TNKS2: variants seen among roughly 807,000 people sequenced by gnomAD.
TNKS2 encodes the protein poly [ADP-ribose] polymerase tankyrase-2.
In TNKS2, 72 loss-of-function variants were observed where a neutral mutation model predicts 137.6. The ratio of observed to expected loss-of-function variants is 0.52; its 90% confidence interval spans 0.43 to 0.64. The LOEUF (loss-of-function observed/expected upper bound fraction) is 0.64, where lower values mean the gene tolerates loss of function less well. Among genes scored for constraint, TNKS2 ranks in the 30% least tolerant of loss-of-function variants. The probability of loss-of-function intolerance (pLI) is 0.00; values close to 1 mark genes in which losing one functional copy is unlikely to be tolerated. For synonymous variants in TNKS2, 516 were observed against 512.1 expected (o/e 1.01, Z -0.10); for missense variants, 1,049 against 1,410.2 (o/e 0.74, Z 4.10).
At chr10:91,844,831 CTT>C (rs986531058) in intron 16 of TNKS2, 86 bp from the exon 17 acceptor site, 30 of 782,982 alleles carry the variant, frequency 3.8e-5, no homozygotes. Context: ...CATGTAATGA[CTT>C]TTTTATGTTA....
At chr10:91,800,891 T>C (rs1844143096) in intron 1 of TNKS2, among the ~76,000 whole-genome samples, 2 of 152,170 alleles carry the variant, frequency 1.3e-5, no homozygotes, top group South Asian at 4.1e-4. Context: ...TTATAATCTG[T>C]TGTAGGTAGT....
intron 7 of TNKS2, among the ~76,000 whole-genome samples, chr10:91,822,908 A>T (rs892625085): frequency 6.6e-6 from 1 of 151,592 alleles, no homozygotes; most frequent in Admixed American, 6.6e-5. Flanking sequence ...CTTGCTACAC[A>T]TCATCTTGTG....
At chr10:91,853,930 A>G (rs1431648030) in intron 21 of TNKS2, among the ~76,000 whole-genome samples, 1 of 152,228 alleles carries the variant, frequency 6.6e-6, no homozygotes, top group South Asian at 2.1e-4. Context: ...TGTTGTAGAG[A>G]TTAAAGGAGA....
chr10:91,819,465 CT>C lies in TNKS2; in HGVS notation c.558-10del, dbSNP rs776873814. The stretch of plus-strand genomic sequence containing the variant: ...TGATGAAGAATGCAAATTACTAATA[CT>C]TTTTTTGTATTCTAGGAGTGGCAAT... On this transcript the variant is annotated splice_polypyrimidine_tract_variant and intron_variant, in intron 4 of 26. Transcript: ENST00000371627. 23 of 1,556,242 alleles carry C rather than the reference CT, an allele frequency of 1.5e-5. No individual in the cohort carries two copies. The highest frequency in any genetic ancestry group is 9.9e-5 in the South Asian group (8 of 80,512).
rs372001710 is a variant in TNKS2, at chr10:91,859,482, A to G, written c.3115A>G (p.Ile1039Val). The change falls in exon 25 of 27, where the codon ATT becomes GTT. Residue 1039 changes from isoleucine to valine, a missense_variant. By Grantham distance (29) the Ile-to-Val change is conservative. Around this residue, in one of 6 missense-constraint regions of TNKS2, gnomAD observed 133 missense variants for 248.4 expected, o/e 0.54. Transcript: ENST00000371627. ...LFHGSPFVNA[I>V]IHKGFDERHA... The stretch of plus-strand genomic sequence containing the variant: ...TTCAGGGTCTCCTTTTGTGAATGCA[A>G]TTATCCACAAAGGCTTTGATGAAAG... The G allele has an allele frequency of 3.8e-5, 61 of 1,606,986 alleles. No homozygotes were observed. The highest frequency in any genetic ancestry group is 4.8e-5 in the Non-Finnish European group (56 of 1,177,278).
At chr10:91,859,257 C>G (rs578101090) in intron 24 of TNKS2, among the ~76,000 whole-genome samples, 1 of 152,230 alleles carries the variant, frequency 6.6e-6, no homozygotes, top group Non-Finnish European at 1.5e-5. Context: ...GCACATAAAC[C>G]AGCACTCTGT....
intron 18 of TNKS2, among the ~76,000 whole-genome samples, chr10:91,847,286 A>T (rs1406405104): frequency 6.6e-6 from 1 of 152,210 alleles, no homozygotes; most frequent in Non-Finnish European, 1.5e-5. Context: ...AGAAGAGTAC[A>T]TATTACAAAT....
At position 91,798,728 on chromosome 10, in the gene TNKS2, G is replaced by C. The variant is rs1844052413; in HGVS notation, c.38G>C (p.Cys13Ser). 8.0e-6 allele frequency: 10 copies of C among 1,242,896 alleles called. No individual in the cohort carries two copies. The highest frequency in any genetic ancestry group is 1.0e-5 in the Non-Finnish European group (10 of 989,410). 77.0% of individuals were successfully genotyped at this position (1,242,896 alleles called of 1,614,324 possible). A position where few individuals can be genotyped will look rare whatever the true frequency, so the allele number is the denominator to read the frequency against. The change falls in exon 1 of 27, where the codon TGC (cysteine) becomes TCC (serine). Residue 13 changes from cysteine to serine, a missense_variant. By Grantham distance (112) the Cys-to-Ser change is moderately radical (BLOSUM62 -1). Around this residue, in one of 6 missense-constraint regions of TNKS2, gnomAD observed 374 missense variants for 460.8 expected, o/e 0.81. Transcript: ENST00000371627. ...GRRCAGGGAA[C>S]ASAAAEAVEP... ...CGCTGCGCCGGCGGGGGAGCGGCCT[G>C]CGCGAGCGCCGCGGCCGAGGCCGTG...
chr10:91,858,323 TATC>T (rs1311310411), intron 24 of TNKS2, among the ~76,000 whole-genome samples: 3 of 152,166 alleles, frequency 2.0e-5, no homozygotes, highest in South Asian at 2.1e-4. Flanking sequence ...CCTAAATAAT[TATC>T]ATGATAATCT....
intron 20 of TNKS2, among the ~76,000 whole-genome samples, chr10:91,850,795 C>G (rs1434719864): frequency 6.6e-6 from 1 of 152,108 alleles, no homozygotes; most frequent in Non-Finnish European, 1.5e-5. Context: ...CTTCATGGAA[C>G]GTGTGTAAGT....
intron 12 of TNKS2, among the ~76,000 whole-genome samples, 173 bp downstream of exon 12, chr10:91,834,197 T>C (rs1443083939): frequency 6.6e-6 from 1 of 152,220 alleles, no homozygotes; most frequent in African/African-American, 2.4e-5. Context: ...CAAATGTCAT[T>C]AAGTGATAAT....
intron 1 of TNKS2, among the ~76,000 whole-genome samples, chr10:91,805,272 G>A (rs985919010): frequency 5.9e-5 from 9 of 152,152 alleles, no homozygotes; most frequent in African/African-American, 1.9e-4. Context: ...CAGTGTGACT[G>A]TAAAATCATA....
intron 11 of TNKS2, among the ~76,000 whole-genome samples, chr10:91,833,601 G>C (rs1841891264): frequency 6.6e-6 from 1 of 152,108 alleles, no homozygotes; most frequent in Admixed American, 6.5e-5. Context: ...ATCTGTGAAT[G>C]CTTTAATGAT....
At chr10:91,843,633 G>C (rs1203729615) in intron 16 of TNKS2, among the ~76,000 whole-genome samples, 1 of 152,136 alleles carries the variant, frequency 6.6e-6, no homozygotes, top group Non-Finnish European at 1.5e-5. Flanking sequence ...AGCTTTTTCA[G>C]CTGCATTACA....
chr10:91,818,228 G>A (rs1429293278), intron 3 of TNKS2, among the ~76,000 whole-genome samples: 1 of 150,684 alleles, frequency 6.6e-6, no homozygotes, highest in Non-Finnish European at 1.5e-5. Flanking sequence ...GGGTTTGGAT[G>A]TCATTCAGCA....
At chr10:91,824,837 A>G (rs1044706627) in intron 7 of TNKS2, among the ~76,000 whole-genome samples, 7 of 152,230 alleles carry the variant, frequency 4.6e-5, no homozygotes, top group African/African-American at 1.7e-4. Flanking sequence ...TAAGTCGCAC[A>G]AGAAAAAGAT....
chr10:91,804,824 T>G (rs567394094), intron 1 of TNKS2, among the ~76,000 whole-genome samples: 1 of 152,322 alleles, frequency 6.6e-6, no homozygotes, highest in Non-Finnish European at 1.5e-5. Context: ...TGGTGCGATC[T>G]TGGCTCACTT....
At position 91,831,004 on chromosome 10, in the gene TNKS2, A is replaced by G. The variant is rs751609857; in HGVS notation, c.1186A>G (p.Lys396Glu). ...AAGAAAAGGAGCAAACATCAATGAA[A>G]AGACTAAAGAGTAAGTATACATTTA... is the stretch of plus-strand genomic sequence containing the variant. ...LLRKGANINE[K>E]TKEFLTPLHV... is the part of the protein sequence containing the mutation. Residue 396 changes from lysine to glutamate, a missense_variant, in exon 10 of 27, where the codon AAG (lysine) becomes GAG (glutamate). Transcript: ENST00000371627. 5.0e-6 allele frequency: 8 copies of G among 1,612,838 alleles called. No homozygotes were observed. The highest frequency in any genetic ancestry group is 1.7e-5 in the Admixed American group (1 of 59,962).
chr10:91,841,959 T>C (rs1842220129), intron 15 of TNKS2, among the ~76,000 whole-genome samples: 1 of 75,014 alleles, frequency 1.3e-5, no homozygotes, highest in Admixed American at 1.3e-4. Context: ...ACTACATTAA[T>C]GCATTAAAAA....
Sources: allele counts gnomAD v4.1 joint callset (sites outside exome capture counted in the v4.1 genomes callset), GRCh38; gene constraint gnomAD v4.1.1; regional missense constraint gnomAD v4.1.1; transcripts MANE v1.5; gene names NCBI Gene and HGNC (gene_info 2026-07-23, HGNC 2026-07-21).